Variants in NDRG2 observed in about 807,000 individuals in gnomAD.
NDRG2 encodes the protein NDRG family member 2.
A neutral mutation model predicts 58.2 loss-of-function variants in NDRG2; 34 were observed. The ratio of observed to expected loss-of-function variants is 0.58; its 90% CI spans 0.44 to 0.78. The LOEUF (loss-of-function observed/expected upper bound fraction) is 0.78. Ranked by LOEUF, NDRG2 falls within the 30% of genes least tolerant of loss-of-function variation. The pLI, the probability that NDRG2 is intolerant of heterozygous loss-of-function variation, is 0.00. For synonymous variants in NDRG2, 187 were observed against 175.9 expected (o/e 1.06, Z -0.50); for missense variants, 434 against 471.2 (o/e 0.92, Z 0.73).
upstream of NDRG2, chr14:21,030,293 G>T (rs1010901502): frequency 5.6e-6 from 2 of 359,936 alleles, no homozygotes; most frequent in Non-Finnish European, 1.0e-5. Flanking sequence ...ACCACCATCC[G>T]GGTACTCTAA....
rs1265182238 is a variant in NDRG2 at position 21,058,149 on chromosome 14, A to G, written c.24+12679T>C. The G allele has an allele frequency of 3.7e-6, 6 of 1,613,978 alleles. No homozygotes were observed. The South Asian group carries it at 4.4e-5, about 12-fold the overall frequency. On this transcript the variant is annotated intron_variant, in intron 1 of 14. Coordinates refer to the NDRG2 transcript ENST00000403829. ...GTGGCCATCACCTGCCAGACCCCCA[A>G]CATAGCCTGCAAGAATAGCTGTAAA...
intron 1 of NDRG2, chr14:21,036,212 G>A (rs1357912430): frequency 2.2e-6 from 1 of 456,094 alleles, no homozygotes; most frequent in Non-Finnish European, 4.4e-6. Flanking sequence ...GTCTCGCCTG[G>A]ACAGCACACA....
intron 1 of NDRG2, chr14:21,034,329 G>A (rs370621863): frequency 9.5e-6 from 14 of 1,480,574 alleles, no homozygotes; most frequent in Non-Finnish European, 1.3e-5. Flanking sequence ...GGGCAGCAGT[G>A]GGCCTGAAGT....
At position 21,024,164 on chromosome 14, in the gene NDRG2, C is replaced by T. The variant is rs1882428230; in HGVS notation, c.-141G>A. On this transcript the variant is annotated 5_prime_UTR_variant, in exon 1 of 16. Coordinates refer to ENST00000556147, the MANE Select transcript of NDRG2 (RefSeq NM_001320329.2). Reference sequence around the variant, plus strand: ...CCTGGGGTCTTTCAGGGACGGAAAGCCTCAGCCAAGACCCAGACTCCCAGG... The same window carrying T: ...CCTGGGGTCTTTCAGGGACGGAAAGTCTCAGCCAAGACCCAGACTCCCAGG... The T allele has an allele frequency of 1.8e-5, 18 of 985,372 alleles. No individual in the cohort carries two copies. The highest frequency in any genetic ancestry group is 2.2e-5 in the Non-Finnish European group (18 of 829,940). 61.0% of individuals were successfully genotyped at this position (985,372 alleles called of 1,614,324 possible). A position where few individuals can be genotyped will look rare whatever the true frequency, so the allele number is the denominator to read the frequency against.
In NDRG2 at chr14:21,024,269, C is replaced by T. The variant is rs1013983102; in HGVS notation, c.-246G>A. ...CCAGAGAACACGTCCTCTCTAGGCT[C>T]GAGCCGGAATCAATATAGGCTACAA... On this transcript the variant is annotated 5_prime_UTR_variant, in exon 1 of 16. Coordinates refer to ENST00000556147, the MANE Select transcript of NDRG2 (RefSeq NM_001320329.2). 3 of 985,312 alleles carry T rather than the reference C, an allele frequency of 3.0e-6. No homozygotes were observed. Among genetic ancestry groups the T allele is most frequent in the African/African-American group, 1.7e-5 (1 of 57,186 alleles). The allele number at this position is 985,312 out of a possible 1,614,324, so 61.0% of individuals were successfully genotyped here.
At chr14:21,032,565 C>T (rs182327983) in intron 1 of NDRG2, 2 of 345,578 alleles carry the variant, frequency 5.8e-6, no homozygotes, top group African/African-American at 4.3e-5. Flanking sequence ...GAGTAGAAGC[C>T]AGCTAAGGTT....
chr14:21,058,195 G>A (rs1885769302), intron 1 of NDRG2: 1 of 1,613,984 alleles, frequency 6.2e-7, no homozygotes, highest in Admixed American at 1.7e-5. Flanking sequence ...AGAGCCACGG[G>A]CCCATGTCCC....
chr14:21,048,995 A>C (rs928601378), intron 1 of NDRG2, among the ~76,000 whole-genome samples: 15 of 152,206 alleles, frequency 9.9e-5, no homozygotes, highest in African/African-American at 3.1e-4. Flanking sequence ...GCTTTGGAGA[A>C]TTTCTGTTAA....
At chr14:21,017,856 A>G in intron 15 of NDRG2, 94 bp from the exon 16 acceptor site, 1 of 1,602,132 alleles carries the variant, frequency 6.2e-7, no homozygotes, top group South Asian at 1.1e-5. Flanking sequence ...TGGACTAGTT[A>G]TAACTAAGCC....
chr14:21,031,197 C>T (rs1304052546), intron 1 of NDRG2: 3 of 1,606,160 alleles, frequency 1.9e-6, no homozygotes, highest in Non-Finnish European at 2.6e-6. Context: ...CTTGACCCTA[C>T]TTCCCTAAAT....
At chr14:21,033,516 G>A (rs954720231) in intron 1 of NDRG2, 2 of 429,888 alleles carry the variant, frequency 4.7e-6, no homozygotes, top group East Asian at 4.7e-5. Flanking sequence ...TGGCCCAGTG[G>A]GTGGACAGTC....
intron 1 of NDRG2, among the ~76,000 whole-genome samples, chr14:21,069,044 G>T (rs1464799366): frequency 1.3e-5 from 2 of 152,174 alleles, no homozygotes; most frequent in African/African-American, 2.4e-5. Context: ...GGGCACACGC[G>T]TTCACGCCCC....
At position 21,017,703 on chromosome 14, in the gene NDRG2, C is replaced by T. The variant is rs1877480387; in HGVS notation, c.1009G>A (p.Ala337Thr). The change falls in exon 16 of 16, where the codon GCA becomes ACA. Residue 337 changes from alanine to threonine, a missense_variant. Coordinates refer to ENST00000556147, the MANE Select transcript of NDRG2 (RefSeq NM_001320329.2). ...RSRTASLTSA[A>T]SVDGNRSRSR... ...CGGGACCGGTTGCCATCAACGGATG[C>T]TGCACTGGTCAGAGAGGCTGTACGA... The T allele has an allele frequency of 6.2e-7, 1 of 1,607,060 alleles. No individual in the cohort carries two copies. The highest frequency in any genetic ancestry group is 8.5e-7 in the Non-Finnish European group (1 of 1,176,640).
chr14:21,040,671 G>A (rs1884847270), intron 1 of NDRG2, among the ~76,000 whole-genome samples: 4 of 152,154 alleles, frequency 2.6e-5, no homozygotes, highest in African/African-American at 9.7e-5. Context: ...CAGCCACACT[G>A]GACACACTGC....
chr14:21,026,460 C>T (rs902305508), upstream of NDRG2, among the ~76,000 whole-genome samples: 1 of 151,040 alleles, frequency 6.6e-6, no homozygotes, highest in Non-Finnish European at 1.5e-5. Context: ...GACTGCCCCC[C>T]CAAGACCCCC....
chr14:21,050,079 T>A (rs1381272979), intron 1 of NDRG2, among the ~76,000 whole-genome samples: 1 of 152,210 alleles, frequency 6.6e-6, no homozygotes, highest in Non-Finnish European at 1.5e-5. Context: ...AGCCCAGATA[T>A]CTTTCAAGAT....
rs960264393 is a variant in NDRG2, at chr14:21,022,085, C to T, written c.321G>A (p.Glu107=). The change falls in exon 5 of 16, where the codon GAG becomes GAA. Residue 107 remains glutamate (E), a synonymous_variant. Coordinates refer to ENST00000556147, the MANE Select transcript of NDRG2 (RefSeq NM_001320329.2). ...RVHVDAPGME[E]GAPVFPLGYQ... is the part of the protein sequence containing the mutation. ...ACCCCAAAGGGAACACAGGGGCTCC[C>T]TCTTCCATTCCAGGGGCATCCACAT... 1.2e-6 allele frequency: 2 copies of T among 1,614,062 alleles called. No homozygotes were observed. The highest frequency in any genetic ancestry group is 1.7e-5 in the Admixed American group (1 of 59,996).
intron 2 of NDRG2, 142 bp from the exon 3 acceptor site, chr14:21,023,047 G>A (rs1594428066): frequency 1.8e-6 from 2 of 1,096,074 alleles, no homozygotes; most frequent in African/African-American, 1.6e-5. Context: ...GAGAGACACG[G>A]AAAGGATGAA....
At chr14:21,033,209 T>C in intron 1 of NDRG2, 3 of 343,872 alleles carry the variant, frequency 8.7e-6, no homozygotes, top group Non-Finnish European at 1.7e-5. Context: ...GGCTCCATGG[T>C]AAGAGGAAGC....
Sources: allele counts gnomAD v4.1 joint callset (sites outside exome capture counted in the v4.1 genomes callset), GRCh38; gene constraint gnomAD v4.1.1; transcripts MANE v1.5; gene names NCBI Gene and HGNC (gene_info 2026-07-23, HGNC 2026-07-21).